The following FBXO11 variants were observed in gnomAD, a reference collection of about 807,000 sequenced individuals.
FBXO11 encodes the protein F-box protein 11.
A neutral mutation model predicts 117.0 loss-of-function variants in FBXO11; 13 were observed. The ratio of observed to expected loss-of-function variants is 0.11; its 90% CI spans 0.07 to 0.18. FBXO11 has a LOEUF of 0.18. Among genes scored for constraint, FBXO11 ranks in the 10% least tolerant of loss-of-function variants. The pLI is 1.00. For missense variants in FBXO11, 767 were observed against 1,164.4 expected (o/e 0.66, Z 4.97); for synonymous variants, 490 against 380.5 (o/e 1.29, Z -3.35).
Position 47,905,745 on chromosome 2 carries a change from G to A in FBXO11, c.-25C>T. 5.3e-6 allele frequency: 8 copies of A among 1,519,270 alleles called. No individual in the cohort carries two copies. Among genetic ancestry groups the A allele is most frequent in the African/African-American group, 1.4e-5 (1 of 69,936 alleles). 94.1% of individuals were successfully genotyped at this position (1,519,270 alleles called of 1,614,324 possible). A position where few individuals can be genotyped will look rare whatever the true frequency, so the allele number is the denominator to read the frequency against. ...TTTGCCGGGCTGAGGTGGCGGCGTT[G>A]GCGGAGGGACACACACACGCACACG... On this transcript the variant is annotated 5_prime_UTR_variant, in exon 1 of 23. Coordinates refer to ENST00000403359, the MANE Select transcript of FBXO11 (RefSeq NM_001190274.2).
In FBXO11 at chr2:47,863,399, CG is replaced by C. The variant is rs1203835007; in HGVS notation, c.233-23631del. 5.3e-5 allele frequency among the ~76,000 whole-genome samples: 8 copies of C among 151,980 alleles called. 1 individual carries two copies. The highest frequency in any genetic ancestry group is 1.9e-4 in the African/African-American group (8 of 41,292). On this transcript the variant is annotated intron_variant, in intron 1 of 22. Transcript: ENST00000403359. ...TGTCTACAAGTGCTCTTAAACAGCT[CG>C]TTTACATGGCTCTGAAACAACACAG...
chr2:47,857,239 G>A lies in FBXO11; in HGVS notation c.233-17470C>T, dbSNP rs796471219. Among the ~76,000 whole-genome samples, 9 of 152,168 alleles carry A rather than the reference G, an allele frequency of 5.9e-5. 1 individual carries two copies. The highest frequency in any genetic ancestry group is 2.2e-4 in the African/African-American group (9 of 41,504). On this transcript the variant is annotated intron_variant, in intron 1 of 22. Transcript: ENST00000403359. ...CCCATAAACAAACAACACACCATTT[G>A]TTTGGAGAGAAAAGATATACACAGC...
intron 1 of FBXO11, among the ~76,000 whole-genome samples, chr2:47,902,932 A>C (rs1572938093): frequency 2.0e-5 from 3 of 151,700 alleles, no homozygotes; most frequent in East Asian, 1.9e-4. Context: ...AAAAAAAAAA[A>C]CAAAAACCAC....
intron 1 of FBXO11, among the ~76,000 whole-genome samples, chr2:47,892,258 A>G (rs1677309236): frequency 6.6e-6 from 1 of 152,248 alleles, no homozygotes; most frequent in Non-Finnish European, 1.5e-5. Flanking sequence ...AAGATATGTA[A>G]AAGAATAACA....
rs1425367700 is a variant in FBXO11, at chr2:47,808,998, C to T, written c.2555+160G>A. The T allele has an allele frequency of 1.1e-5, 6 of 530,800 alleles. No homozygotes were observed. In the South Asian group the frequency reaches 1.5e-4, roughly 13 times the overall value. The allele number at this position is 530,800 out of a possible 1,614,324, so 32.9% of individuals were successfully genotyped here. ...AGGCATAAGCCACCACGCCTACCCA[C>T]AGTTACAGTCTTAAACACGATCTTC... On this transcript the variant is annotated intron_variant, in intron 21 of 22. Transcript: ENST00000403359.
intron 20 of FBXO11, 33 bp from the exon 21 acceptor site, chr2:47,809,299 G>A (rs1457224340): frequency 7.4e-7 from 1 of 1,353,994 alleles, no homozygotes; most frequent in Non-Finnish European, 1.0e-6. Context: ...TAAAAATTCA[G>A]AGGAATGTTA....
chr2:47,899,135 G>C (rs991212724), intron 1 of FBXO11, among the ~76,000 whole-genome samples: 8 of 151,872 alleles, frequency 5.3e-5, no homozygotes, highest in Non-Finnish European at 1.2e-4. Context: ...TTAGCCGGGC[G>C]TGGTGGTGGG....
In FBXO11 at chr2:47,823,147, T is replaced by C. The variant is rs1553338592; in HGVS notation, c.1612A>G (p.Ile538Val). 1 of 1,607,186 alleles carries C rather than the reference T, an allele frequency of 6.2e-7. No individual in the cohort carries two copies. Among genetic ancestry groups the C allele is most frequent in the South Asian group, 1.1e-5 (1 of 90,108 alleles). ...CCCATAATTATATGTAAATACCTTATTGTTGGGTCACTATTTGAGGTAATC... is the reference window on the plus strand; with the variant it reads ...CCCATAATTATATGTAAATACCTTACTGTTGGGTCACTATTTGAGGTAATC... ...VWITSNSDPT[I>V]RGNSIFNGNQ... Residue 538 changes from isoleucine (I) to valine (V), a missense_variant, in exon 12 of 23, where the codon ATA becomes GTA. Ile to Val is a conservative substitution (Grantham distance 29). Coordinates refer to ENST00000403359, the MANE Select transcript of FBXO11 (RefSeq NM_001190274.2).
At chr2:47,843,730 TGC>T (rs200521008) in intron 1 of FBXO11, among the ~76,000 whole-genome samples, 22 of 152,040 alleles carry the variant, frequency 1.4e-4, no homozygotes, top group African/African-American at 1.7e-4. Flanking sequence ...TTAGATTTGC[TGC>T]TGCTTCTTCT....
At chr2:47,873,406 G>C (rs1490908480) in intron 1 of FBXO11, among the ~76,000 whole-genome samples, 1 of 152,154 alleles carries the variant, frequency 6.6e-6, no homozygotes. Context: ...CTTACAACCA[G>C]TGCTCCTGGG....
intron 7 of FBXO11, 87 bp from the exon 8 acceptor site, chr2:47,833,157 T>C: frequency 1.2e-6 from 1 of 818,864 alleles, no homozygotes; most frequent in Non-Finnish European, 2.0e-6. Context: ...ACTAAAAACA[T>C]TAGTACTGAG....
In FBXO11 at chr2:47,823,267, G is replaced by T. The variant is rs751924556; in HGVS notation, c.1492C>A (p.His498Asn). ...ANPTVVRCEIHHGQTGGIYVH... is the reference protein window; with the variant it reads ...ANPTVVRCEINHGQTGGIYVH... ...TATATTCCTCCAGTCTGCCCATGGT[G>T]AATTTCACATCGAACCACTGTAGGG... The change falls in exon 12 of 23, where the codon CAC becomes AAC. Residue 498 changes from histidine to asparagine, a missense_variant. His to Asn is a moderately conservative substitution (Grantham distance 68, BLOSUM62 1). Around this residue, in one of 10 missense-constraint regions of FBXO11, gnomAD observed 67 missense variants for 148.8 expected, o/e 0.45. Transcript: ENST00000403359. The T allele has an allele frequency of 6.2e-7, 1 of 1,613,836 alleles. No individual in the cohort carries two copies.
intron 7 of FBXO11, 87 bp downstream of exon 7, chr2:47,834,492 T>A: frequency 1.0e-6 from 1 of 1,000,226 alleles, no homozygotes; most frequent in Admixed American, 2.8e-5. Flanking sequence ...ATTATAAAAC[T>A]GGATTTTAAG....
intron 1 of FBXO11, among the ~76,000 whole-genome samples, chr2:47,871,098 G>C (rs1309240661): frequency 3.3e-5 from 5 of 152,182 alleles, no homozygotes; most frequent in African/African-American, 9.7e-5. Context: ...TGAGCTTAGT[G>C]ACTTCTAATG....
chr2:47,885,051 G>A (rs776537956), intron 1 of FBXO11, among the ~76,000 whole-genome samples: 48 of 152,166 alleles, frequency 3.2e-4, no homozygotes, highest in Non-Finnish European at 8.8e-5. Flanking sequence ...TGAATAAGAT[G>A]AACTTACTAT....
intron 1 of FBXO11, among the ~76,000 whole-genome samples, chr2:47,840,953 C>G (rs976904552): frequency 3.9e-5 from 6 of 152,082 alleles, no homozygotes; most frequent in African/African-American, 1.4e-4. Flanking sequence ...AATCCCAGCA[C>G]TTTGGGAGGC....
At chr2:47,881,754 C>CT (rs59669634) in intron 1 of FBXO11, among the ~76,000 whole-genome samples, 52,166 of 150,634 alleles carry the variant, frequency 0.35, 9,181 homozygotes, top group African/African-American at 0.42. Context: ...ACATTTTAGT[C>CT]TTTTTTTTTG....
At chr2:47,882,008 A>T (rs149130987) in intron 1 of FBXO11, among the ~76,000 whole-genome samples, 1 of 152,200 alleles carries the variant, frequency 6.6e-6, no homozygotes, top group Admixed American at 6.5e-5. Context: ...TTGGCCTCCC[A>T]AAGTGCTGGG....
At chr2:47,823,022 A>G (rs1671501762) in intron 12 of FBXO11, 121 bp downstream of exon 12, 3 of 627,008 alleles carry the variant, frequency 4.8e-6, no homozygotes, top group Non-Finnish European at 7.9e-6. Context: ...AACTAGGAAA[A>G]TCTATTTTAT....
Sources: allele counts gnomAD v4.1 joint callset (sites outside exome capture counted in the v4.1 genomes callset), GRCh38; gene constraint gnomAD v4.1.1; regional missense constraint gnomAD v4.1.1; transcripts MANE v1.5; gene names NCBI Gene and HGNC (gene_info 2026-07-23, HGNC 2026-07-21).